Variants in KANSL1 observed in about 807,000 individuals in gnomAD.
KANSL1 encodes MLL1/MLL complex subunit KANSL1.
KANSL1 carries 22 observed loss-of-function variants against 103.6 expected under a neutral mutation model. That is an observed-to-expected ratio of 0.21 (90% CI 0.15 to 0.30). The LOEUF (loss-of-function observed/expected upper bound fraction) is 0.30. Ranked by LOEUF, KANSL1 falls within the 10% of genes least tolerant of loss-of-function variation. The pLI is 1.00. For synonymous variants in KANSL1, 600 were observed against 527.6 expected, an observed-to-expected ratio of 1.14 and a Z score of -1.88; for missense variants, 1,337 against 1,399.8, an observed-to-expected ratio of 0.96 and a Z score of 0.72.
intron 3 of KANSL1, among the ~76,000 whole-genome samples, chr17:46,086,056 A>G (rs941751446): frequency 1.3e-5 from 2 of 152,262 alleles, no homozygotes; most frequent in East Asian, 1.9e-4. Context: ...GTTGAGTTGT[A>G]TAATTTTTTT....
chr17:46,105,228 G>A (rs1357487628), intron 2 of KANSL1, among the ~76,000 whole-genome samples: 1 of 152,254 alleles, frequency 6.6e-6, no homozygotes, highest in African/African-American at 2.4e-5. Flanking sequence ...CTCCTCCAGA[G>A]TGAATTAATT....
intron 1 of KANSL1, among the ~76,000 whole-genome samples, chr17:46,205,882 A>C (rs192723148): frequency 5.8e-4 from 89 of 152,204 alleles, no homozygotes; most frequent in African/African-American, 2.1e-3. Flanking sequence ...GTTCAGGATC[A>C]GACTAGGCAA....
At chr17:46,127,770 CCT>C (rs2043645924) in intron 2 of KANSL1, among the ~76,000 whole-genome samples, 1 of 143,652 alleles carries the variant, frequency 7.0e-6, no homozygotes, top group South Asian at 2.1e-4. Flanking sequence ...AGAGCCAGAC[CCT>C]GTCTCAAAAA....
intron 2 of KANSL1, among the ~76,000 whole-genome samples, chr17:46,101,511 G>A (rs1462671871): frequency 6.6e-6 from 1 of 152,068 alleles, no homozygotes; most frequent in East Asian, 1.9e-4. Flanking sequence ...CAGCACTTTG[G>A]GAGGCCGAGG....
intron 6 of KANSL1, among the ~76,000 whole-genome samples, chr17:46,051,560 C>G: frequency 6.6e-6 from 1 of 152,188 alleles, no homozygotes; most frequent in East Asian, 1.9e-4. Context: ...TCAGGTCATG[C>G]TGAATGCAGG....
intron 2 of KANSL1, among the ~76,000 whole-genome samples, chr17:46,100,518 G>A (rs1568448266): frequency 1.3e-5 from 2 of 149,486 alleles, no homozygotes; most frequent in Non-Finnish European, 3.0e-5. Context: ...TTTTTTCCTT[G>A]CAAATTCAGG....
intron 1 of KANSL1, among the ~76,000 whole-genome samples, chr17:46,200,989 G>C (rs781123236): frequency 6.6e-6 from 1 of 151,726 alleles, no homozygotes. Flanking sequence ...TGGGCTCACC[G>C]CAACCTCCAC....
At chr17:46,047,918 C>T (rs1204547807) in intron 7 of KANSL1, among the ~76,000 whole-genome samples, 1 of 151,752 alleles carries the variant, frequency 6.6e-6, no homozygotes, top group South Asian at 2.1e-4. Flanking sequence ...CCACTCCCCC[C>T]GCCACCAAGA....
intron 6 of KANSL1, among the ~76,000 whole-genome samples, chr17:46,063,830 G>A (rs970385466): frequency 8.6e-5 from 13 of 150,456 alleles, no homozygotes; most frequent in Non-Finnish European, 3.0e-5. Flanking sequence ...GACTCCTGAT[G>A]TCATGCCATA....
intron 2 of KANSL1, among the ~76,000 whole-genome samples, chr17:46,145,459 GA>G (rs894269434): frequency 6.6e-6 from 1 of 152,036 alleles, no homozygotes; most frequent in East Asian, 1.9e-4. Flanking sequence ...AAGAATTTTG[GA>G]AAAAAAGAGC....
chr17:46,126,571 C>G (rs957484185), intron 2 of KANSL1, among the ~76,000 whole-genome samples: 3 of 152,186 alleles, frequency 2.0e-5, no homozygotes, highest in Admixed American at 1.3e-4. Context: ...AATATTTTGG[C>G]AAATAAAGGG....
At chr17:46,128,819 T>C (rs932959320) in intron 2 of KANSL1, among the ~76,000 whole-genome samples, 3 of 152,192 alleles carry the variant, frequency 2.0e-5, no homozygotes, top group African/African-American at 7.2e-5. Context: ...GCTCACGATA[T>C]GGAGTTTGAA....
At chr17:46,080,312 T>TAAAA (rs35520207) in intron 4 of KANSL1, among the ~76,000 whole-genome samples, 21 of 77,768 alleles carry the variant, frequency 2.7e-4, no homozygotes, top group South Asian at 5.8e-4. Flanking sequence ...GAGCCTGTCT[T>TAAAA]AAAAAAAAAA....
chr17:46,158,981 G>A (rs114305450), intron 2 of KANSL1, among the ~76,000 whole-genome samples: 4,338 of 152,220 alleles, frequency 0.028, 220 homozygotes, highest in African/African-American at 0.099. Flanking sequence ...CTTACGCTCA[G>A]ATTTTTTTTT....
At chr17:46,159,489 A>G (rs1281052518) in intron 2 of KANSL1, among the ~76,000 whole-genome samples, 2 of 152,240 alleles carry the variant, frequency 1.3e-5, no homozygotes, top group African/African-American at 4.8e-5. Context: ...CCACCTACTC[A>G]GACACTGAAA....
chr17:46,222,172 CCTTT>C (rs1157323579), intron 1 of KANSL1: 1 of 149,796 alleles, frequency 6.7e-6, no homozygotes, highest in Non-Finnish European at 1.5e-5. Flanking sequence ...GAGCTGATTT[CCTTT>C]CTCTATTCCT....
intron 1 of KANSL1, chr17:46,221,860 G>T (rs961657108): frequency 6.6e-6 from 1 of 151,962 alleles, no homozygotes; most frequent in Non-Finnish European, 1.5e-5. Flanking sequence ...CTACATCTTA[G>T]AAATGTTTTA....
intron 2 of KANSL1, among the ~76,000 whole-genome samples, chr17:46,099,608 G>A (rs1310046038): frequency 1.3e-5 from 2 of 152,210 alleles, no homozygotes; most frequent in Non-Finnish European, 1.5e-5. Flanking sequence ...AGAAAATCAC[G>A]TGGATTCTAA....
intron 2 of KANSL1, among the ~76,000 whole-genome samples, chr17:46,153,512 C>A (rs1050262739): frequency 3.3e-5 from 5 of 152,180 alleles, no homozygotes; most frequent in Non-Finnish European, 7.3e-5. Context: ...GCATGGGATA[C>A]AAAACCCCAC....
Sources: gnomAD v4.1 joint callset for allele counts (sites outside exome capture counted in the v4.1 genomes callset) on GRCh38, gnomAD v4.1.1 for gene constraint, MANE v1.5 for transcripts, NCBI Gene and HGNC (gene_info 2026-07-23, HGNC 2026-07-21) for gene names.